The following DENND1A variants were observed in gnomAD, a reference collection of about 807,000 sequenced individuals.
DENND1A encodes DENN domain-containing protein 1A.
Under a neutral mutation model 113.7 loss-of-function variants are expected in DENND1A, and 51 were observed. That is an observed-to-expected ratio of 0.45 (90% CI 0.36 to 0.57). The LOEUF (loss-of-function observed/expected upper bound fraction) is 0.57. Among genes scored for constraint, DENND1A ranks in the 20% least tolerant of loss-of-function variants. The pLI is 0.00. For missense variants in DENND1A, 1,258 were observed against 1,395.9 expected, an observed-to-expected ratio of 0.90 and a Z score of 1.57; for synonymous variants, 565 against 570.8, an observed-to-expected ratio of 0.99 and a Z score of 0.14.
chr9:123,814,262 C>T (rs1026752204), intron 2 of DENND1A, among the ~76,000 whole-genome samples: 2 of 151,990 alleles, frequency 1.3e-5, no homozygotes, highest in African/African-American at 4.8e-5. Context: ...TATAAAAATT[C>T]ACAGGAACTC....
chr9:123,432,043 T>C (rs913609229), intron 19 of DENND1A, among the ~76,000 whole-genome samples: 3 of 152,196 alleles, frequency 2.0e-5, no homozygotes, highest in Non-Finnish European at 2.9e-5. Flanking sequence ...AGTTCTTCCA[T>C]GGTACATCAG....
intron 11 of DENND1A, among the ~76,000 whole-genome samples, chr9:123,589,469 G>C (rs1045821310): frequency 3.3e-5 from 5 of 150,222 alleles, no homozygotes; most frequent in African/African-American, 1.2e-4. Context: ...TGTCAAAATA[G>C]TCCTCCAAAA....
intron 3 of DENND1A, among the ~76,000 whole-genome samples, chr9:123,774,064 T>C (rs1200761201): frequency 3.3e-5 from 5 of 152,198 alleles, no homozygotes; most frequent in Admixed American, 2.0e-4. Flanking sequence ...GGGTTTCTTA[T>C]ATCTAATTTA....
chr9:123,667,887 A>G (rs781129350), intron 7 of DENND1A, among the ~76,000 whole-genome samples: 31 of 152,090 alleles, frequency 2.0e-4, no homozygotes, highest in Non-Finnish European at 4.1e-4. Flanking sequence ...AGCTGAGACC[A>G]TTGCCGATGA....
intron 11 of DENND1A, among the ~76,000 whole-genome samples, chr9:123,608,101 G>C (rs1305639528): frequency 6.6e-6 from 1 of 152,130 alleles, no homozygotes; most frequent in African/African-American, 2.4e-5. Flanking sequence ...ATCCCAGATA[G>C]TCCATAAACT....
rs146543606 is a variant in DENND1A, at chr9:123,540,945, C to T, written c.993+16625G>A. Among the ~76,000 whole-genome samples, 637 of 152,250 alleles carry T rather than the reference C, an allele frequency of 4.2e-3. 1 individual carries two copies. The highest frequency in any genetic ancestry group is 7.1e-3 in the South Asian group (34 of 4,822). The stretch of plus-strand genomic sequence containing the variant: ...GAGGCAGACAGACCTGGCTCTAGTC[C>T]GACTCTTTCTTCTTGGCACCTACCT... On this transcript the variant is annotated intron_variant, in intron 13 of 23. Coordinates refer to ENST00000394215, the MANE Select transcript of DENND1A (RefSeq NM_001352964.2).
At chr9:123,733,029 T>A (rs1589851685) in intron 5 of DENND1A, among the ~76,000 whole-genome samples, 1 of 152,226 alleles carries the variant, frequency 6.6e-6, no homozygotes, top group African/African-American at 2.4e-5. Context: ...TTGCCCAGGC[T>A]GGAGTGCAAT....
At chr9:123,853,351 T>TA (rs932458814) in intron 2 of DENND1A, among the ~76,000 whole-genome samples, 5 of 151,900 alleles carry the variant, frequency 3.3e-5, no homozygotes, top group African/African-American at 7.3e-5. Flanking sequence ...AAAAACCCCT[T>TA]AAATTGAGGA....
At chr9:123,830,304 T>C (rs957476209) in intron 2 of DENND1A, among the ~76,000 whole-genome samples, 1 of 151,938 alleles carries the variant, frequency 6.6e-6, no homozygotes, top group Non-Finnish European at 1.5e-5. Context: ...GCAAAACTAA[T>C]CTATGGTAAC....
chr9:123,437,171 C>T (rs1279300308), intron 19 of DENND1A, among the ~76,000 whole-genome samples: 1 of 152,170 alleles, frequency 6.6e-6, no homozygotes, highest in Non-Finnish European at 1.5e-5. Context: ...CATCATTATG[C>T]CCCACAATGG....
intron 13 of DENND1A, among the ~76,000 whole-genome samples, chr9:123,539,457 T>C (rs1320121742): frequency 1.4e-5 from 2 of 147,494 alleles, no homozygotes; most frequent in Non-Finnish European, 3.0e-5. Flanking sequence ...ATTTGGGTAA[T>C]AAAACTATTT....
chr9:123,726,539 G>A (rs548704149), intron 5 of DENND1A, among the ~76,000 whole-genome samples: 3 of 152,160 alleles, frequency 2.0e-5, no homozygotes, highest in Non-Finnish European at 4.4e-5. Context: ...ACACAGCACA[G>A]AGCATTAAAA....
At chr9:123,446,307 G>C (rs1257516484) in intron 18 of DENND1A, among the ~76,000 whole-genome samples, 2 of 152,202 alleles carry the variant, frequency 1.3e-5, no homozygotes, top group Non-Finnish European at 2.9e-5. Context: ...ACCAAAGTTG[G>C]AATTTCTGTG....
chr9:123,633,078 T>C (rs1164018719), intron 9 of DENND1A, among the ~76,000 whole-genome samples: 1 of 152,102 alleles, frequency 6.6e-6, no homozygotes, highest in African/African-American at 2.4e-5. Context: ...CGGCTAATTT[T>C]TGTATATTTT....
chr9:123,747,199 CA>C (rs2069589131), intron 5 of DENND1A, among the ~76,000 whole-genome samples: 1 of 152,130 alleles, frequency 6.6e-6, no homozygotes, highest in South Asian at 2.1e-4. Flanking sequence ...TCTCCCACCA[CA>C]CTCTTAAATC....
intron 19 of DENND1A, among the ~76,000 whole-genome samples, chr9:123,415,956 T>C (rs763967608): frequency 2.6e-5 from 4 of 151,474 alleles, no homozygotes; most frequent in Non-Finnish European, 5.9e-5. Flanking sequence ...AGGTGAGTAG[T>C]AGTGATTTGG....
chr9:123,709,071 T>C (rs372573404), intron 5 of DENND1A, among the ~76,000 whole-genome samples: 97 of 152,352 alleles, frequency 6.4e-4, no homozygotes, highest in African/African-American at 2.3e-3. Flanking sequence ...TATCAAGGGC[T>C]GTCACTCTAC....
chr9:123,771,283 C>T (rs1829685041), intron 3 of DENND1A, among the ~76,000 whole-genome samples: 1 of 152,098 alleles, frequency 6.6e-6, no homozygotes, highest in African/African-American at 2.4e-5. Context: ...GATAGGAAAA[C>T]AGATCACATA....
chr9:123,673,109 A>C (rs2063846583), intron 6 of DENND1A, among the ~76,000 whole-genome samples: 1 of 152,214 alleles, frequency 6.6e-6, no homozygotes, highest in Non-Finnish European at 1.5e-5. Context: ...TGTTTTGTCT[A>C]ATGTCTGATG....
Sources: gnomAD v4.1 joint callset for allele counts (sites outside exome capture counted in the v4.1 genomes callset) on GRCh38, gnomAD v4.1.1 for gene constraint, MANE v1.5 for transcripts, NCBI Gene and HGNC (gene_info 2026-07-23, HGNC 2026-07-21) for gene names.